OCA2: variants seen among roughly 807,000 people sequenced by gnomAD.
OCA2 encodes the protein OCA2 melanosomal transmembrane protein.
OCA2 carries 77 observed loss-of-function variants against 100.2 expected under a neutral mutation model. That is an observed-to-expected ratio of 0.77 (90% CI 0.64 to 0.93). The LOEUF (loss-of-function observed/expected upper bound fraction) is 0.93. Ranked by LOEUF, OCA2 falls within the 40% of genes least tolerant of loss-of-function variation. The probability of loss-of-function intolerance (pLI) is 0.00; values close to 1 mark genes in which losing one functional copy is unlikely to be tolerated. For missense variants in OCA2, 1,062 were observed against 1,089.1 expected (o/e 0.98, Z 0.35); for synonymous variants, 432 against 439.2 (o/e 0.98, Z 0.21).
intron 23 of OCA2, among the ~76,000 whole-genome samples, chr15:27,779,589 G>A (rs2032429934): frequency 1.3e-5 from 2 of 151,960 alleles, no homozygotes; most frequent in African/African-American, 4.8e-5. Context: ...CCCTTTTCTG[G>A]TTTAGTTACC....
chr15:27,811,301 G>A (rs2034066864), intron 23 of OCA2, among the ~76,000 whole-genome samples: 1 of 152,150 alleles, frequency 6.6e-6, no homozygotes, highest in African/African-American at 2.4e-5. Context: ...TTGTAAGTGG[G>A]AGCTAAGCTT....
intron 19 of OCA2, among the ~76,000 whole-genome samples, chr15:27,909,084 A>T (rs2038287437): frequency 6.6e-6 from 1 of 152,176 alleles, no homozygotes; most frequent in African/African-American, 2.4e-5. Flanking sequence ...AACTTATAAA[A>T]ACCAATGGCC....
intron 3 of OCA2, 25 bp from the exon 4 acceptor site, chr15:28,028,084 A>C (rs1264347232): frequency 4.3e-6 from 7 of 1,613,442 alleles, no homozygotes; most frequent in Non-Finnish European, 5.1e-6. Flanking sequence ...AGGTGTGGTT[A>C]TCTCTCCTGA....
chr15:27,922,973 T>TGC (rs2038920206), intron 19 of OCA2, among the ~76,000 whole-genome samples: 2 of 152,104 alleles, frequency 1.3e-5, no homozygotes, highest in African/African-American at 4.8e-5. Context: ...CCACCTTTCA[T>TGC]CCTCCAGTAG....
At chr15:27,831,468 G>A (rs891658351) in intron 23 of OCA2, among the ~76,000 whole-genome samples, 4 of 152,116 alleles carry the variant, frequency 2.6e-5, no homozygotes, top group African/African-American at 7.2e-5. Context: ...GACCTGCCGC[G>A]CACGTAACCC....
At chr15:27,950,590 A>G (rs1261770633) in intron 18 of OCA2, 1 of 513,680 alleles carries the variant, frequency 1.9e-6, no homozygotes, top group Admixed American at 2.0e-5. Context: ...TGAGATTATC[A>G]AGAGAAAGAA....
rs41276938 is a variant in OCA2 at position 28,022,626 on chromosome 15, G to C, written c.574-53C>G. On this transcript the variant is annotated intron_variant, in intron 5 of 23. Transcript: ENST00000354638. The stretch of plus-strand genomic sequence containing the variant: ...AGAGGTGTGGTATGAGAGCAGTAAG[G>C]TATAAATCATTTTGATAACAGTCGA... The C allele has an allele frequency of 8.3e-3, 11,214 of 1,354,468 alleles. 80 individuals are homozygous for C. The highest frequency in any genetic ancestry group is 0.011 in the Middle Eastern group (63 of 5,580). The allele number at this position is 1,354,468 out of a possible 1,614,324, so 83.9% of individuals were successfully genotyped here.
At chr15:27,901,177 G>A (rs1451690233) in intron 19 of OCA2, among the ~76,000 whole-genome samples, 2 of 152,206 alleles carry the variant, frequency 1.3e-5, no homozygotes, top group Non-Finnish European at 2.9e-5. Context: ...CTCTTGTTTT[G>A]AGGACAAGTG....
chr15:27,921,974 T>C (rs1045729954), intron 19 of OCA2, among the ~76,000 whole-genome samples: 2 of 152,242 alleles, frequency 1.3e-5, no homozygotes, highest in African/African-American at 4.8e-5. Context: ...ACTGTATTCT[T>C]ACAATAAAGT....
intron 2 of OCA2, among the ~76,000 whole-genome samples, chr15:28,069,533 CTGCCGAATGCCTGCGAT>C (rs1043117724): frequency 7.2e-6 from 1 of 138,196 alleles, no homozygotes; most frequent in Non-Finnish European, 1.5e-5. Flanking sequence ...CTGCCTCAGT[CTGCCGAATGCCTGCGAT>C]TGCAGGCACG....
intron 23 of OCA2, among the ~76,000 whole-genome samples, chr15:27,794,628 G>GAAGTGTGT (rs1231466794): frequency 2.0e-5 from 3 of 152,144 alleles, no homozygotes; most frequent in African/African-American, 7.2e-5. Context: ...TAGATAAAAG[G>GAAGTGTGT]AAGTGTGTTG....
intron 13 of OCA2, among the ~76,000 whole-genome samples, chr15:27,983,848 C>A (rs2041253801): frequency 6.6e-6 from 1 of 152,056 alleles, no homozygotes; most frequent in Non-Finnish European, 1.5e-5. Context: ...GGATGGCTCA[C>A]ACAGGGCCTG....
the OCA2 span, among the ~76,000 whole-genome samples, chr15:27,740,758 C>T: frequency 6.6e-6 from 1 of 152,288 alleles, no homozygotes; most frequent in East Asian, 1.9e-4. Context: ...CGTGTACCAG[C>T]AGAGCTGGGC....
At chr15:27,945,243 T>C (rs761804535) in intron 18 of OCA2, among the ~76,000 whole-genome samples, 1 of 152,160 alleles carries the variant, frequency 6.6e-6, no homozygotes, top group Non-Finnish European at 1.5e-5. Flanking sequence ...TCACCACTTG[T>C]TCCCGTCCAC....
rs539283710 is a variant in OCA2 at position 27,761,036 on chromosome 15, C to T, written c.2433-5564G>A. 1.5e-3 allele frequency among the ~76,000 whole-genome samples: 228 copies of T among 152,070 alleles called. 2 individuals are homozygous for T. The highest frequency in any genetic ancestry group is 5.3e-3 in the African/African-American group (218 of 41,508). On this transcript the variant is annotated intron_variant, in intron 23 of 23. Coordinates refer to ENST00000354638, the MANE Select transcript of OCA2 (RefSeq NM_000275.3). ...AAGGAGAAACTGAATGCTTCTCCCCCACAGGATTCTCACCACTCTTATTCA... is the reference window on the plus strand; with the variant it reads ...AAGGAGAAACTGAATGCTTCTCCCCTACAGGATTCTCACCACTCTTATTCA...
At chr15:27,976,837 T>G (rs2040982872) in intron 14 of OCA2, among the ~76,000 whole-genome samples, 1 of 152,174 alleles carries the variant, frequency 6.6e-6, no homozygotes, top group African/African-American at 2.4e-5. Flanking sequence ...TTTCCTTAAC[T>G]ATTTGGGAGA....
intron 14 of OCA2, among the ~76,000 whole-genome samples, chr15:27,982,441 G>A (rs2041198180): frequency 6.6e-6 from 1 of 152,134 alleles, no homozygotes; most frequent in African/African-American, 2.4e-5. Flanking sequence ...CATGCTCCAG[G>A]GTGGCATGAC....
chr15:27,803,273 T>G (rs1453638230), intron 23 of OCA2, among the ~76,000 whole-genome samples: 1 of 152,202 alleles, frequency 6.6e-6, no homozygotes, highest in African/African-American at 2.4e-5. Flanking sequence ...AAGAGTTATT[T>G]GTACACTCAT....
chr15:27,954,339 C>T (rs775998042), intron 17 of OCA2, among the ~76,000 whole-genome samples: 3 of 152,198 alleles, frequency 2.0e-5, no homozygotes, highest in African/African-American at 4.8e-5. Flanking sequence ...AACTTGGGGC[C>T]TGCAAGAGTA....
Sources: gnomAD v4.1 joint callset for allele counts (sites outside exome capture counted in the v4.1 genomes callset) on GRCh38, gnomAD v4.1.1 for gene constraint, MANE v1.5 for transcripts, NCBI Gene and HGNC (gene_info 2026-07-23, HGNC 2026-07-21) for gene names.